The following KIAA0586 variants were observed in gnomAD, a reference collection of about 807,000 sequenced individuals.
KIAA0586 encodes the protein protein TALPID3.
In KIAA0586, 144 loss-of-function variants were observed where a neutral mutation model predicts 169.8. That is an observed-to-expected ratio of 0.85 (90% CI 0.74 to 0.97). The LOEUF (loss-of-function observed/expected upper bound fraction) is 0.97. Ranked by LOEUF, KIAA0586 falls within the 50% of genes least tolerant of loss-of-function variation. The pLI is 0.00. For missense variants in KIAA0586, 1,854 were observed against 1,823.0 expected (o/e 1.02, Z -0.31); for synonymous variants, 625 against 612.4 (o/e 1.02, Z -0.30).
chr14:58,501,606 A>T (rs1187363651), intron 27 of KIAA0586, among the ~76,000 whole-genome samples: 2 of 1,388 alleles, frequency 1.4e-3, no homozygotes, highest in East Asian at 0.12. Context: ...GGTACATTGT[A>T]GGTATTTAAT....
chr14:58,497,224 C>T (rs555669113), intron 26 of KIAA0586, among the ~76,000 whole-genome samples: 1 of 152,044 alleles, frequency 6.6e-6, no homozygotes, highest in Non-Finnish European at 1.5e-5. Context: ...CCACCCACCT[C>T]GGCCTCCCAA....
At chr14:58,506,582 GAGGCT>G (rs1161936257) in intron 27 of KIAA0586, among the ~76,000 whole-genome samples, 1 of 151,870 alleles carries the variant, frequency 6.6e-6, no homozygotes, top group African/African-American at 2.4e-5. Context: ...AGCTCCTAGG[GAGGCT>G]GAGGCAGAAG....
chr14:58,455,280 A>G (rs1465439922), intron 9 of KIAA0586, among the ~76,000 whole-genome samples: 1 of 152,220 alleles, frequency 6.6e-6, no homozygotes, highest in Non-Finnish European at 1.5e-5. Context: ...TTTTAGTAAT[A>G]GCTGATTTAT....
Position 58,488,793 on chromosome 14 carries a change from G to A in KIAA0586, c.3700G>A (p.Val1234Ile), listed in dbSNP as rs752219527. ...STLESTLSVT[V>I]TETETLDKPI... ...ACTGGAGAGCACATTGAGTGTTACT[G>A]TCACTGAAACTGAAACTTTAGATAA... Residue 1234 changes from valine to isoleucine, a missense_variant, in exon 24 of 31, where the codon GTC becomes ATC. Coordinates refer to ENST00000652326, the MANE Select transcript of KIAA0586 (RefSeq NM_001329943.3). The A allele has an allele frequency of 3.7e-6, 6 of 1,613,698 alleles. No homozygotes were observed. The highest frequency in any genetic ancestry group is 3.4e-6 in the Non-Finnish European group (4 of 1,179,790).
chr14:58,445,579 C>T (rs992249090), intron 6 of KIAA0586, among the ~76,000 whole-genome samples: 1 of 151,530 alleles, frequency 6.6e-6, no homozygotes, highest in South Asian at 2.1e-4. Context: ...GATTGCCAGC[C>T]TGCGCCACCA....
intron 4 of KIAA0586, among the ~76,000 whole-genome samples, chr14:58,438,205 C>T (rs1351422435): frequency 6.6e-6 from 1 of 152,010 alleles, no homozygotes; most frequent in Non-Finnish European, 1.5e-5. Context: ...GGGTTATGTG[C>T]ATTTTTTTGA....
At chr14:58,527,088 C>T (rs1054354375) in intron 29 of KIAA0586, among the ~76,000 whole-genome samples, 7 of 151,442 alleles carry the variant, frequency 4.6e-5, no homozygotes, top group African/African-American at 1.7e-4. Context: ...ATTGATCAAG[C>T]GGAAGAAAGG....
At chr14:58,507,871 G>A (rs1290006527) in intron 27 of KIAA0586, among the ~76,000 whole-genome samples, 1 of 151,928 alleles carries the variant, frequency 6.6e-6, no homozygotes, top group African/African-American at 2.4e-5. Flanking sequence ...TGCAACCTCC[G>A]CCTCCTGGGT....
At chr14:58,515,063 G>T (rs2044654084) in intron 29 of KIAA0586, among the ~76,000 whole-genome samples, 2 of 150,620 alleles carry the variant, frequency 1.3e-5, no homozygotes, top group Admixed American at 6.6e-5. Context: ...TAAATTTTAA[G>T]ACCATCATAA....
chr14:58,428,275 C>A lies in KIAA0586; in HGVS notation c.11C>A (p.Ser4Tyr). Residue 4 changes from serine (S) to tyrosine (Y), a missense_variant, in exon 1 of 31, where the codon TCT becomes TAT. Transcript: ENST00000652326. MKG[S>Y]EVSLEKKKKI... ...TTTGTGACCAACAATATGAAAGGCT[C>A]TGAGGTCAGCTTGGAGAAGAAAAAA... 6.2e-7 allele frequency: 1 copy of A among 1,613,400 alleles called. No homozygotes were observed. Among genetic ancestry groups the A allele is most frequent in the Admixed American group, 1.7e-5 (1 of 59,902 alleles).
intron 27 of KIAA0586, among the ~76,000 whole-genome samples, chr14:58,507,498 CAGAG>C (rs979301883): frequency 6.6e-6 from 1 of 151,368 alleles, no homozygotes; most frequent in Non-Finnish European, 1.5e-5. Flanking sequence ...GACTGTGAAA[CAGAG>C]AGCAGTGACT....
At chr14:58,536,950 C>G (rs2046324890) in intron 29 of KIAA0586, 2 of 1,071,686 alleles carry the variant, frequency 1.9e-6, no homozygotes, top group Admixed American at 5.4e-5. Flanking sequence ...TCAAATAATT[C>G]CAAAATTTTC....
intron 16 of KIAA0586, among the ~76,000 whole-genome samples, chr14:58,470,106 G>A (rs1272913095): frequency 1.3e-5 from 2 of 151,550 alleles, no homozygotes; most frequent in South Asian, 2.1e-4. Context: ...GTTTATGTGT[G>A]TGTAAGTTTT....
At chr14:58,430,441 T>C (rs987306603) in intron 2 of KIAA0586, among the ~76,000 whole-genome samples, 2 of 152,230 alleles carry the variant, frequency 1.3e-5, no homozygotes, top group African/African-American at 4.8e-5. Context: ...ATTCATTCAC[T>C]TGTCTGATAG....
chr14:58,533,514 C>G (rs555897903), intron 29 of KIAA0586, among the ~76,000 whole-genome samples: 1 of 152,150 alleles, frequency 6.6e-6, no homozygotes. Context: ...TGTGAATTCT[C>G]TGGGGCAGGG....
chr14:58,521,894 T>C, intron 29 of KIAA0586: 1 of 1,302,336 alleles, frequency 7.7e-7, no homozygotes, highest in Non-Finnish European at 1.1e-6. Context: ...ACAATGAAGA[T>C]GGGGGATGAC....
At chr14:58,449,481 A>G (rs2140680567) in intron 7 of KIAA0586, among the ~76,000 whole-genome samples, 1 of 152,342 alleles carries the variant, frequency 6.6e-6, no homozygotes, top group Admixed American at 6.5e-5. Flanking sequence ...GTGAGCTGTG[A>G]TCATGCAGCT....
chr14:58,508,745 T>C, intron 28 of KIAA0586, 36 bp downstream of exon 28: 5 of 1,523,174 alleles, frequency 3.3e-6, no homozygotes, highest in Non-Finnish European at 4.5e-6. Flanking sequence ...TTACTTAAAA[T>C]GAGAATTGAA....
chr14:58,445,851 C>CT (rs1229804329), intron 6 of KIAA0586, among the ~76,000 whole-genome samples: 1 of 133,680 alleles, frequency 7.5e-6, no homozygotes, highest in Admixed American at 8.1e-5. Flanking sequence ...TTTTAATTTC[C>CT]TTTTTTTTCT....
Sources: allele counts gnomAD v4.1 joint callset (sites outside exome capture counted in the v4.1 genomes callset), GRCh38; gene constraint gnomAD v4.1.1; transcripts MANE v1.5; gene names NCBI Gene and HGNC (gene_info 2026-07-23, HGNC 2026-07-21).